The following KCNIP4 variants were observed in gnomAD, a reference collection of about 807,000 sequenced individuals.
KCNIP4 encodes the protein Kv channel-interacting protein 4.
KCNIP4 carries 12 observed loss-of-function variants against 34.0 expected under a neutral mutation model. The observed-to-expected ratio is 0.35, with a 90% CI of 0.23 to 0.57. The LOEUF (loss-of-function observed/expected upper bound fraction) is 0.57, where lower values mean the gene tolerates loss of function less well. KCNIP4 is among the 20% of genes least tolerant of loss of function. The pLI is 0.83. For missense variants in KCNIP4, 238 were observed against 311.7 expected, an observed-to-expected ratio of 0.76 and a Z score of 1.78; for synonymous variants, 124 against 102.2, an observed-to-expected ratio of 1.21 and a Z score of -1.29.
At chr4:21,816,434 C>A (rs1721993303) in intron 1 of KCNIP4, among the ~76,000 whole-genome samples, 1 of 151,938 alleles carries the variant, frequency 6.6e-6, no homozygotes, top group Non-Finnish European at 1.5e-5. Flanking sequence ...AATAATTCAC[C>A]CATCAAATAA....
intron 1 of KCNIP4, among the ~76,000 whole-genome samples, chr4:21,645,941 A>G (rs1041717136): frequency 4.6e-5 from 7 of 152,284 alleles, no homozygotes; most frequent in Middle Eastern, 3.4e-3. Context: ...TTCACTCTCA[A>G]TGGGCACACT....
At chr4:20,933,183 G>T (rs1465765492) in intron 1 of KCNIP4, among the ~76,000 whole-genome samples, 1 of 152,146 alleles carries the variant, frequency 6.6e-6, no homozygotes, top group Non-Finnish European at 1.5e-5. Flanking sequence ...GGCAGAGGTT[G>T]CAGTGAGCTG....
intron 1 of KCNIP4, among the ~76,000 whole-genome samples, chr4:21,788,314 T>C (rs1171397917): frequency 2.0e-5 from 3 of 152,176 alleles, no homozygotes. Context: ...ATTAAAGACT[T>C]CCTTACTTGA....
chr4:21,043,401 C>T (rs746532416), intron 1 of KCNIP4, among the ~76,000 whole-genome samples: 2 of 152,198 alleles, frequency 1.3e-5, no homozygotes, highest in South Asian at 2.1e-4. Context: ...GCGATCTCAA[C>T]ACACTGCAAC....
intron 1 of KCNIP4, among the ~76,000 whole-genome samples, chr4:21,452,295 C>T (rs1207125726): frequency 6.6e-6 from 1 of 152,112 alleles, no homozygotes; most frequent in African/African-American, 2.4e-5. Context: ...ATATCAAAGA[C>T]CCTGCCTTCA....
At chr4:21,637,634 T>A (rs186767592) in intron 1 of KCNIP4, among the ~76,000 whole-genome samples, 77 of 151,864 alleles carry the variant, frequency 5.1e-4, no homozygotes, top group African/African-American at 1.8e-3. Context: ...AATACAAAAA[T>A]TAGCTGGGCA....
At chr4:21,521,713 T>C (rs572586260) in intron 1 of KCNIP4, among the ~76,000 whole-genome samples, 2 of 152,216 alleles carry the variant, frequency 1.3e-5, no homozygotes, top group South Asian at 4.2e-4. Context: ...CTCCTCCAAT[T>C]TGGACTACTG....
chr4:21,207,582 T>C (rs1377643415), intron 1 of KCNIP4, among the ~76,000 whole-genome samples: 1 of 152,176 alleles, frequency 6.6e-6, no homozygotes, highest in Non-Finnish European at 1.5e-5. Flanking sequence ...GGCACATATC[T>C]AGACTAGGCT....
intron 1 of KCNIP4, among the ~76,000 whole-genome samples, chr4:21,272,052 G>T (rs1327286741): frequency 6.6e-6 from 1 of 152,132 alleles, no homozygotes; most frequent in Non-Finnish European, 1.5e-5. Flanking sequence ...TTTTATTTGA[G>T]GTGAACTGCA....
chr4:21,314,514 G>C (rs888443532), intron 1 of KCNIP4, among the ~76,000 whole-genome samples: 1 of 152,178 alleles, frequency 6.6e-6, no homozygotes, highest in Non-Finnish European at 1.5e-5. Flanking sequence ...TGTAACTGCT[G>C]AGTGGCATGC....
intron 1 of KCNIP4, among the ~76,000 whole-genome samples, chr4:20,885,410 C>T (rs536559554): frequency 7.3e-6 from 1 of 137,892 alleles, no homozygotes; most frequent in East Asian, 2.1e-4. Flanking sequence ...CCAGACCTGC[C>T]AACCAGTCCT....
In KCNIP4 at chr4:21,400,372, G is replaced by A. The variant is rs1029411590; in HGVS notation, c.62-517663C>T. On this transcript the variant is annotated intron_variant, in intron 1 of 8. Coordinates refer to ENST00000382152, the MANE Select transcript of KCNIP4 (RefSeq NM_025221.6). ...CAACTCTGAAAAAGGTGGGAGTTGA[G>A]CTAGACCTTGGTGGAGAGGTATAGT... Among the ~76,000 whole-genome samples, 3 of 151,992 alleles carry A rather than the reference G, an allele frequency of 2.0e-5. No individual in the cohort carries two copies. The South Asian group carries it at 6.2e-4, about 32-fold the overall frequency.
At chr4:21,206,975 C>A (rs141668071) in intron 1 of KCNIP4, among the ~76,000 whole-genome samples, 394 of 152,270 alleles carry the variant, frequency 2.6e-3, no homozygotes, top group South Asian at 5.0e-3. Flanking sequence ...CTGCATGTAT[C>A]TCCTAAAAAT....
At chr4:21,519,466 G>GTA (rs1211804222) in intron 1 of KCNIP4, among the ~76,000 whole-genome samples, 1 of 101,358 alleles carries the variant, frequency 9.9e-6, no homozygotes, top group Admixed American at 9.2e-5. Context: ...ACATATGTGT[G>GTA]TATGTGTATG....
intron 3 of KCNIP4, among the ~76,000 whole-genome samples, chr4:20,826,152 T>C (rs1717730902): frequency 6.6e-6 from 1 of 152,168 alleles, no homozygotes; most frequent in Non-Finnish European, 1.5e-5. Flanking sequence ...AAGAGGAGAA[T>C]GGCAATACTA....
chr4:20,732,534 C>A, intron 7 of KCNIP4, 147 bp downstream of exon 7: 1 of 656,674 alleles, frequency 1.5e-6, no homozygotes, highest in Non-Finnish European at 2.7e-6. Context: ...AAAACCAAAG[C>A]TATTAAATTA....
chr4:21,592,663 T>C (rs772877280), intron 1 of KCNIP4, among the ~76,000 whole-genome samples: 10 of 152,120 alleles, frequency 6.6e-5, no homozygotes, highest in Non-Finnish European at 1.3e-4. Context: ...CACGTGCTTA[T>C]AAGAAAGCTG....
At chr4:21,207,633 T>C (rs1756935723) in intron 1 of KCNIP4, among the ~76,000 whole-genome samples, 1 of 152,140 alleles carries the variant, frequency 6.6e-6, no homozygotes, top group Admixed American at 6.6e-5. Context: ...TATGTCCCTT[T>C]GTTAATCTCT....
At chr4:21,036,862 T>C (rs993671273) in intron 1 of KCNIP4, among the ~76,000 whole-genome samples, 6 of 152,228 alleles carry the variant, frequency 3.9e-5, no homozygotes, top group African/African-American at 9.6e-5. Flanking sequence ...CATAAGATTA[T>C]AATTAAACTA....
Sources: gnomAD v4.1 joint callset for allele counts (sites outside exome capture counted in the v4.1 genomes callset) on GRCh38, gnomAD v4.1.1 for gene constraint, MANE v1.5 for transcripts, NCBI Gene and HGNC (gene_info 2026-07-23, HGNC 2026-07-21) for gene names.